The following INO80E variants were observed in gnomAD, a reference collection of about 807,000 sequenced individuals.
INO80E encodes the protein coiled-coil domain containing 95.
In INO80E, 20 loss-of-function variants were observed where a neutral mutation model predicts 27.3. That is an observed-to-expected ratio of 0.73 (90% CI 0.51 to 1.06). INO80E has a LOEUF of 1.06. Among genes scored for constraint, INO80E ranks in the 50% least tolerant of loss-of-function variants. The pLI is 0.00. For missense variants in INO80E, 357 were observed against 322.8 expected (o/e 1.11, Z -0.81); for synonymous variants, 167 against 145.9 (o/e 1.14, Z -1.04).
intron 6 of INO80E, among the ~76,000 whole-genome samples, chr16:30,004,812 C>T (rs1317091119): frequency 6.6e-6 from 1 of 152,160 alleles, no homozygotes; most frequent in South Asian, 2.1e-4. Flanking sequence ...CAGTGAGTGC[C>T]GCAGAAGAGG....
In INO80E at chr16:30,005,315, T is replaced by TCC; in HGVS notation, c.610_611dup (p.Pro205HisfsTer11). ...GGGGTCGGGACAACCCTGACCCCCC[T>TCC]CCCACCCCCTAAGATGCCCCCCCCC... On this transcript the variant is annotated frameshift_variant, in exon 7 of 7. Coordinates refer to ENST00000563197, the MANE Select transcript of INO80E (RefSeq NM_173618.3). LOFTEE classifies it high-confidence loss of function. 3.3e-6 allele frequency: 1 copy of TCC among 302,354 alleles called. No homozygotes were observed. 18.7% of individuals were successfully genotyped at this position (302,354 alleles called of 1,614,324 possible).
At chr16:29,997,400 A>T (rs1438149328) in intron 3 of INO80E, among the ~76,000 whole-genome samples, 1 of 151,922 alleles carries the variant, frequency 6.6e-6, no homozygotes, top group Admixed American at 6.6e-5. Context: ...TTTGAATTTC[A>T]TATTTTTCCA....
rs1466430641 is a variant in INO80E at position 30,001,334 on chromosome 16, C to G, written c.397-80C>G. ...TCACCATCTCTTTTGTTTTTCCATC[C>G]TCCTTCTGTTTGCATTTCTTCCCCC... On this transcript the variant is annotated intron_variant, in intron 5 of 6. Coordinates refer to ENST00000563197, the MANE Select transcript of INO80E (RefSeq NM_173618.3). 5 of 1,513,626 alleles carry G rather than the reference C, an allele frequency of 3.3e-6. No homozygotes were observed. In the Admixed American group the frequency reaches 1.0e-4, roughly 32 times the overall value. 93.8% of individuals were successfully genotyped at this position (1,513,626 alleles called of 1,614,324 possible). A position where few individuals can be genotyped will look rare whatever the true frequency, so the allele number is the denominator to read the frequency against.
intron 6 of INO80E, 181 bp downstream of exon 6, chr16:30,001,711 CAG>C (rs1184156674): frequency 6.7e-6 from 4 of 595,336 alleles, no homozygotes; most frequent in Non-Finnish European, 1.2e-5. Context: ...GGAGACAAAT[CAG>C]GGCAGAACCA....
intron 5 of INO80E, 107 bp downstream of exon 5, chr16:30,001,147 C>G (rs2070335595): frequency 6.8e-7 from 1 of 1,469,866 alleles, no homozygotes; most frequent in African/African-American, 1.4e-5. Context: ...GGACATCTGT[C>G]TGGGTGTGGC....
At position 29,996,265 on chromosome 16, in the gene INO80E, T is replaced by C. The variant is rs1363422427; in HGVS notation, c.-46T>C. ...CGGGAGCGGCACGGCAGCCACTGCT[T>C]GGGGTAGCGGGAGGGCAGACTCTGG... is the stretch of plus-strand genomic sequence containing the variant. On this transcript the variant is annotated 5_prime_UTR_variant, in exon 1 of 7. Coordinates refer to ENST00000563197, the MANE Select transcript of INO80E (RefSeq NM_173618.3). The C allele has an allele frequency of 1.3e-6, 2 of 1,538,730 alleles. No individual in the cohort carries two copies. The highest frequency in any genetic ancestry group is 2.4e-5 in the South Asian group (2 of 84,534).
chr16:29,996,547 G>A lies in INO80E; in HGVS notation c.82G>A (p.Glu28Lys). 1 of 1,564,082 alleles carries A rather than the reference G, an allele frequency of 6.4e-7. No individual in the cohort carries two copies. The highest frequency in any genetic ancestry group is 1.2e-5 in the South Asian group (1 of 85,004). The change falls in exon 2 of 7, where the codon GAG (glutamate) becomes AAG (lysine). Residue 28 changes from glutamate to lysine, a missense_variant and splice_region_variant. Coordinates refer to ENST00000563197, the MANE Select transcript of INO80E (RefSeq NM_173618.3). The part of the protein sequence containing the change: ...LKRKLKFLIY[E>K]HECFQEELRK... ...AGCGCACCCCTTGCCCGTGATACAG[G>A]AGCACGAGTGCTTCCAGGAGGAGCT...
At position 30,000,963 on chromosome 16, in the gene INO80E, C is replaced by A. The variant is rs1365404100; in HGVS notation, c.319C>A (p.Pro107Thr). Residue 107 changes from proline to threonine, a missense_variant, in exon 5 of 7, where the codon CCC (proline) becomes ACC (threonine). Pro to Thr is a conservative substitution (Grantham distance 38, BLOSUM62 -1). Transcript: ENST00000563197. ...CCCTCCGCTGGGGGGCGCCCCCTCT[C>A]CCTCCAGCCTCTCCCTGCCTCCTTC... ...RSPPLGGAPSPSSLSLPPSTG... is the reference protein window; with the variant it reads ...RSPPLGGAPSTSSLSLPPSTG... 3 of 1,577,010 alleles carry A rather than the reference C, an allele frequency of 1.9e-6. No homozygotes were observed. Among genetic ancestry groups the A allele is most frequent in the Non-Finnish European group, 2.6e-6 (3 of 1,158,542 alleles).
chr16:30,005,508 TC>T lies in INO80E; in HGVS notation c.*68del. 1.4e-6 allele frequency: 2 copies of T among 1,428,724 alleles called. No individual in the cohort carries two copies. The highest frequency in any genetic ancestry group is 2.5e-5 in the East Asian group (1 of 39,416). The allele number at this position is 1,428,724 out of a possible 1,614,324, so 88.5% of individuals were successfully genotyped here. On this transcript the variant is annotated 3_prime_UTR_variant, in exon 7 of 7. Transcript: ENST00000563197. ...CCCTCCCCGTGCCAGCACACACGAG[TC>T]CAGCTTCCTCGGAGGTGTTTATTGA... is the stretch of plus-strand genomic sequence containing the variant.
Position 30,005,246 on chromosome 16 carries a change from C to T in INO80E, c.539C>T (p.Pro180Leu). ...ATGGCGGTGGGACCCCCCGACTGCC[C>T]TGTGGGAGGGCCGCTGACCTTCCCT... ...LKMAVGPPDCPVGGPLTFPGR... is the reference protein window; with the variant it reads ...LKMAVGPPDCLVGGPLTFPGR... Residue 180 changes from proline (P) to leucine (L), a missense_variant, in exon 7 of 7, where the codon CCT becomes CTT. Coordinates refer to ENST00000563197, the MANE Select transcript of INO80E (RefSeq NM_173618.3). 6.8e-7 allele frequency: 1 copy of T among 1,471,484 alleles called. No individual in the cohort carries two copies. Among genetic ancestry groups the T allele is most frequent in the East Asian group, 2.8e-5 (1 of 35,820 alleles). 91.2% of individuals were successfully genotyped at this position (1,471,484 alleles called of 1,614,324 possible). A position where few individuals can be genotyped will look rare whatever the true frequency, so the allele number is the denominator to read the frequency against.
In INO80E at chr16:30,005,208, C is replaced by G; in HGVS notation, c.514-13C>G. 7.0e-7 allele frequency: 1 copy of G among 1,435,390 alleles called. No individual in the cohort carries two copies. Among genetic ancestry groups the G allele is most frequent in the Non-Finnish European group, 9.1e-7 (1 of 1,097,760 alleles). The allele number at this position is 1,435,390 out of a possible 1,614,324, so 88.9% of individuals were successfully genotyped here. A position where few individuals can be genotyped will look rare whatever the true frequency, so the allele number is the denominator to read the frequency against. ...CCTGACTAGTCCCCCTGTGTTTCTT[C>G]CCCCTGCTGCAGATGGCGGTGGGAC... On this transcript the variant is annotated splice_polypyrimidine_tract_variant and intron_variant, in intron 6 of 6. Coordinates refer to ENST00000563197, the MANE Select transcript of INO80E (RefSeq NM_173618.3).
chr16:30,005,540 A>G lies in INO80E; in HGVS notation c.*98A>G, dbSNP rs887599585. 2 of 1,149,480 alleles carry G rather than the reference A, an allele frequency of 1.7e-6. No individual in the cohort carries two copies. Among genetic ancestry groups the G allele is most frequent in the African/African-American group, 3.1e-5 (2 of 64,070 alleles). 71.2% of individuals were successfully genotyped at this position (1,149,480 alleles called of 1,614,324 possible). A position where few individuals can be genotyped will look rare whatever the true frequency, so the allele number is the denominator to read the frequency against. ...TCCTCGGAGGTGTTTATTGATGCCC[A>G]GCTGCCATGCTCCGGCCACTGACAC... On this transcript the variant is annotated 3_prime_UTR_variant, in exon 7 of 7. Transcript: ENST00000563197.
At chr16:30,001,793 G>C (rs1009149724) in intron 6 of INO80E, 8 of 455,116 alleles carry the variant, frequency 1.8e-5, no homozygotes, top group African/African-American at 1.6e-4. Flanking sequence ...GCGGGGCCAG[G>C]CTCATTTTCC....
In INO80E at chr16:30,000,946, TG is replaced by T; in HGVS notation, c.308del (p.Gly103AlafsTer28). On this transcript the variant is annotated frameshift_variant, in exon 5 of 7. Transcript: ENST00000563197. LOFTEE classifies it high-confidence loss of function. ...TTCTCCAGGAAGAGAAGCCCTCCGC[TG>T]GGGGGCGCCCCCTCTCCCTCCAGCC... ...PAPKRKRSPP[L>X]GGAPSPSSLS... 1.3e-6 allele frequency: 2 copies of T among 1,588,496 alleles called. No individual in the cohort carries two copies. The highest frequency in any genetic ancestry group is 1.7e-6 in the Non-Finnish European group (2 of 1,163,698).
At position 29,996,385 on chromosome 16, in the gene INO80E, C is replaced by G; in HGVS notation, c.75C>G (p.Leu25=). The change falls in exon 1 of 7, where the codon CTC becomes CTG. Residue 25 remains leucine (L), a synonymous_variant. Transcript: ENST00000563197. ...ATCTGAAGCGGAAGCTCAAGTTCCT[C>G]ATCTACGTGAGTGCTGCCGCGGGAA... ...YRNLKRKLKF[L]IYEHECFQEE... is the part of the protein sequence containing the mutation. 6.3e-7 allele frequency: 1 copy of G among 1,590,208 alleles called. No homozygotes were observed. The highest frequency in any genetic ancestry group is 1.1e-5 in the South Asian group (1 of 87,882).
intron 6 of INO80E, chr16:30,004,772 T>C (rs2070488428): frequency 6.4e-6 from 1 of 157,160 alleles, no homozygotes; most frequent in Non-Finnish European, 1.4e-5. Flanking sequence ...GGCTCCTGGC[T>C]CAGGCAGCCT....
chr16:29,997,169 T>C (rs773563276), intron 3 of INO80E, among the ~76,000 whole-genome samples: 67 of 152,280 alleles, frequency 4.4e-4, no homozygotes, highest in Non-Finnish European at 9.4e-4. Flanking sequence ...TTTTAGGTCA[T>C]AGGAAGGACT....
intron 1 of INO80E, 33 bp downstream of exon 1, chr16:29,996,424 G>C: frequency 3.8e-6 from 6 of 1,565,514 alleles, no homozygotes; most frequent in Non-Finnish European, 5.2e-6. Context: ...TGTGGGGGAT[G>C]AGGCCTGGCG....
intron 3 of INO80E, 83 bp downstream of exon 3, chr16:29,996,943 G>C: frequency 7.5e-7 from 1 of 1,339,714 alleles, no homozygotes; most frequent in Non-Finnish European, 1.1e-6. Flanking sequence ...TTTAGGCAGT[G>C]GTGGCTGATG....
Sources: allele counts gnomAD v4.1 joint callset (sites outside exome capture counted in the v4.1 genomes callset), GRCh38; gene constraint gnomAD v4.1.1; transcripts MANE v1.5; gene names NCBI Gene and HGNC (gene_info 2026-07-23, HGNC 2026-07-21).